POLM: variants seen among roughly 807,000 people sequenced by gnomAD.
POLM encodes the protein DNA-directed DNA/RNA polymerase mu.
Under a neutral mutation model 56.7 loss-of-function variants are expected in POLM, and 52 were observed. That is an observed-to-expected ratio of 0.92 (90% CI 0.73 to 1.15). POLM has a LOEUF of 1.15. POLM is among the 50% of genes most tolerant of loss of function. POLM has a pLI of 0.00. For missense variants in POLM, 660 were observed against 663.6 expected (o/e 0.99, Z 0.06); for synonymous variants, 273 against 274.3 (o/e 1.00, Z 0.05).
In POLM at chr7:44,073,959, T is replaced by C. The variant is rs1429063863; in HGVS notation, c.1138A>G (p.Ser380Gly). 6.2e-7 allele frequency: 1 copy of C among 1,614,162 alleles called. No homozygotes were observed. The highest frequency in any genetic ancestry group is 1.1e-5 in the South Asian group (1 of 91,088). ...CESPTRLAQQ[S>G]HMDAFERSFC... ...CTTCTCTCAAAAGCGTCCATGTGGC[T>C]CTGTTGGGCCAGGCGGGTAGGGGAC... Residue 380 changes from serine to glycine, a missense_variant, in exon 9 of 11, where the codon AGC becomes GGC. Physicochemically the swap from Ser to Gly is moderately conservative, Grantham distance 56. Coordinates refer to ENST00000242248, the MANE Select transcript of POLM (RefSeq NM_013284.4).
intron 5 of POLM, chr7:44,078,362 A>T (rs1375138685): frequency 4.8e-6 from 1 of 209,786 alleles, no homozygotes; most frequent in Non-Finnish European, 9.8e-6. Flanking sequence ...GCTACTCCAG[A>T]GACTGAGGTG....
chr7:44,076,471 T>C, intron 6 of POLM, 38 bp downstream of exon 6: 1 of 1,612,862 alleles, frequency 6.2e-7, no homozygotes. Flanking sequence ...GGGTGCAGTT[T>C]AGGGAAGCCC....
At chr7:44,076,329 CT>C in intron 6 of POLM, 179 bp downstream of exon 6, 1 of 665,198 alleles carries the variant, frequency 1.5e-6, no homozygotes, top group Non-Finnish European at 2.5e-6. Flanking sequence ...GCATCGTCCA[CT>C]GAGAAAAGGC....
intron 6 of POLM, among the ~76,000 whole-genome samples, chr7:44,075,005 A>C (rs1325927211): frequency 6.6e-6 from 1 of 152,184 alleles, no homozygotes; most frequent in Non-Finnish European, 1.5e-5. Flanking sequence ...ACTCTGGCCT[A>C]CTTCTGTTTC....
rs575765872 is a variant in POLM, at chr7:44,075,252, G to A, written c.836-722C>T. Among the ~76,000 whole-genome samples, 5 of 152,268 alleles carry A rather than the reference G, an allele frequency of 3.3e-5. No homozygotes were observed. The South Asian group carries it at 6.2e-4, about 19-fold the overall frequency. Reference sequence around the variant, plus strand: ...TTTAGTAGAGACAGGGTTTCGCCACGTTGGCCAGGCTGGTCTTGAACTCCT... The same window carrying A: ...TTTAGTAGAGACAGGGTTTCGCCACATTGGCCAGGCTGGTCTTGAACTCCT... On this transcript the variant is annotated intron_variant, in intron 6 of 10. Coordinates refer to ENST00000242248, the MANE Select transcript of POLM (RefSeq NM_013284.4).
At chr7:44,079,534 C>T (rs758349230) in intron 4 of POLM, 37 bp downstream of exon 4, 3 of 1,388,462 alleles carry the variant, frequency 2.2e-6, no homozygotes, top group Non-Finnish European at 3.1e-6. Flanking sequence ...GGCCTCCCCA[C>T]CCACCCACTC....
rs372765730 is a variant in POLM, at chr7:44,073,723, T to C, written c.1315-15A>G. Reference sequence around the variant, plus strand: ...CGCTGGAAAAGCTGTAGGGAAGGGATTGTCCTCAGCAGGGCTGGCCCAGCC... The same window carrying C: ...CGCTGGAAAAGCTGTAGGGAAGGGACTGTCCTCAGCAGGGCTGGCCCAGCC... On this transcript the variant is annotated splice_polypyrimidine_tract_variant and intron_variant, in intron 9 of 10. Coordinates refer to ENST00000242248, the MANE Select transcript of POLM (RefSeq NM_013284.4). 49 of 1,614,018 alleles carry C rather than the reference T, an allele frequency of 3.0e-5. 1 individual carries two copies. Among genetic ancestry groups the C allele is most frequent in the African/African-American group, 2.5e-4 (19 of 74,928 alleles).
rs869129522 is a variant in POLM at position 44,072,970 on chromosome 7, AGGCCCCACCACAGCTCCACGATGTG to A, written c.*296_*320del. The stretch of plus-strand genomic sequence containing the variant: ...GGGACCACTTGCCATTCATGACTGC[AGGCCCCACCACAGCTCCACGATGTG>A]GGCCCCACTCACATCCCATCCAGGG... On this transcript the variant is annotated 3_prime_UTR_variant, in exon 11 of 11. Coordinates refer to ENST00000242248, the MANE Select transcript of POLM (RefSeq NM_013284.4). 2.6e-4 allele frequency: 189 copies of A among 717,942 alleles called. No individual in the cohort carries two copies. The East Asian group carries it at 4.7e-3, about 18-fold the overall frequency. The allele number at this position is 717,942 out of a possible 1,614,324, so 44.5% of individuals were successfully genotyped here. A position where few individuals can be genotyped will look rare whatever the true frequency, so the allele number is the denominator to read the frequency against.
At position 44,082,328 on chromosome 7, in the gene POLM, A is replaced by T; in HGVS notation, c.111T>A (p.Pro37=). The T allele has an allele frequency of 6.4e-7, 1 of 1,560,440 alleles. No individual in the cohort carries two copies. Among genetic ancestry groups the T allele is most frequent in the Non-Finnish European group, 8.6e-7 (1 of 1,160,316 alleles). The part of the protein sequence containing the change: ...FPGVAIYLVE[P]RMGRSRRAFL... The stretch of plus-strand genomic sequence containing the variant: ...AGGCCCGGCGGCTGCGACCCATGCG[A>T]GGCTCGACCAGGTAGATGGCGACTC... The change falls in exon 1 of 11, where the codon CCT becomes CCA. Residue 37 remains proline (P), a synonymous_variant. Transcript: ENST00000242248.
chr7:44,075,310 A>G (rs1405023095), intron 6 of POLM, among the ~76,000 whole-genome samples: 2 of 152,214 alleles, frequency 1.3e-5, no homozygotes, highest in Non-Finnish European at 2.9e-5. Flanking sequence ...TCGGCCTCTC[A>G]AAGTGCTGGG....
At chr7:44,080,288 T>C in intron 2 of POLM, 1 of 535,336 alleles carries the variant, frequency 1.9e-6, no homozygotes, top group Non-Finnish European at 3.6e-6. Flanking sequence ...CCTTGGAGGC[T>C]AGGGGCTTGC....
chr7:44,080,579 A>T (rs945712012), intron 2 of POLM, 154 bp downstream of exon 2: 14 of 786,554 alleles, frequency 1.8e-5, no homozygotes, highest in Non-Finnish European at 2.6e-5. Context: ...CTACTGGTTT[A>T]TAGGGGGCCC....
At chr7:44,080,072 A>C in intron 2 of POLM, 113 bp from the exon 3 acceptor site, 1 of 753,714 alleles carries the variant, frequency 1.3e-6, no homozygotes, top group Non-Finnish European at 2.3e-6. Flanking sequence ...TCTGGAGCTC[A>C]TGGGACAGAG....
rs765082031 is a variant in POLM, at chr7:44,082,390, C to T, written c.49G>A (p.Ala17Thr). 4 of 1,523,040 alleles carry T rather than the reference C, an allele frequency of 2.6e-6. No homozygotes were observed. The highest frequency in any genetic ancestry group is 3.5e-6 in the Non-Finnish European group (4 of 1,144,108). The allele number at this position is 1,523,040 out of a possible 1,614,324, so 94.3% of individuals were successfully genotyped here. ...GTCGAGGGCGGCGTGGAGGAAGCGG[C>T]ATCGCCGCTAGGGGACCCGACCCGC... ...RARVGSPSGD[A>T]ASSTPPSTRF... is the part of the protein sequence containing the mutation. Residue 17 changes from alanine to threonine, a missense_variant, in exon 1 of 11, where the codon GCC becomes ACC. By Grantham distance (58) the Ala-to-Thr change is moderately conservative (BLOSUM62 0). Coordinates refer to ENST00000242248, the MANE Select transcript of POLM (RefSeq NM_013284.4).
At chr7:44,078,664 C>T (rs780732254) in intron 5 of POLM, 76 bp downstream of exon 5, 10 of 1,372,446 alleles carry the variant, frequency 7.3e-6, no homozygotes, top group Middle Eastern at 1.8e-4. Context: ...TTTGCCTCCC[C>T]GTGCATGGTG....
rs1015284101 is a variant in POLM at position 44,073,515 on chromosome 7, G to T, written c.1398+110C>A. 494 of 1,592,198 alleles carry T rather than the reference G, an allele frequency of 3.1e-4. 3 individuals carry two copies. Among genetic ancestry groups the T allele is most frequent in the Middle Eastern group, 1.0e-3 (5 of 4,774 alleles). Reference sequence around the variant, plus strand: ...GCCAGGAACTGTGTGTGGAGACCCAGATTCGGGTCCTATGGGTTTCAGGCT... The same window carrying T: ...GCCAGGAACTGTGTGTGGAGACCCATATTCGGGTCCTATGGGTTTCAGGCT... On this transcript the variant is annotated intron_variant, in intron 10 of 10. Transcript: ENST00000242248.
At position 44,073,606 on chromosome 7, in the gene POLM, CCA is replaced by C. The variant is rs1323850949; in HGVS notation, c.1398+17_1398+18del. The C allele has an allele frequency of 6.2e-7, 1 of 1,612,738 alleles. No homozygotes were observed. Among genetic ancestry groups the C allele is most frequent in the East Asian group, 2.2e-5 (1 of 44,892 alleles). ...GGACTATGGGTGCTGTTTGCTGTCC[CCA>C]GTCCCCAACAATGTACCTGCTCCGG... On this transcript the variant is annotated intron_variant, in intron 10 of 10. Coordinates refer to ENST00000242248, the MANE Select transcript of POLM (RefSeq NM_013284.4).
chr7:44,079,263 CAG>C (rs2096192560), intron 4 of POLM, among the ~76,000 whole-genome samples: 1 of 152,214 alleles, frequency 6.6e-6, no homozygotes, highest in African/African-American at 2.4e-5. Flanking sequence ...TGCTCACACT[CAG>C]GGTGCTCTCT....
chr7:44,074,246 G>A lies in POLM; in HGVS notation c.969-13C>T, dbSNP rs1314203546. ...CTGCAACTTCCCCCTGAGGGCGTCA[G>A]TCTGACTCTGACTCAGGGACACGGC... On this transcript the variant is annotated splice_polypyrimidine_tract_variant and intron_variant, in intron 7 of 10. Transcript: ENST00000242248. The A allele has an allele frequency of 6.4e-7, 1 of 1,561,802 alleles. No homozygotes were observed. The highest frequency in any genetic ancestry group is 8.7e-7 in the Non-Finnish European group (1 of 1,151,778).
Sources: allele counts gnomAD v4.1 joint callset (sites outside exome capture counted in the v4.1 genomes callset), GRCh38; gene constraint gnomAD v4.1.1; transcripts MANE v1.5; gene names NCBI Gene and HGNC (gene_info 2026-07-23, HGNC 2026-07-21).